Variants in TEX22 observed in about 807,000 individuals in gnomAD.
TEX22 encodes the protein testis-expressed protein 22.
Under a neutral mutation model 11.3 loss-of-function variants are expected in TEX22, and 16 were observed. The ratio of observed to expected loss-of-function variants is 1.42; its 90% CI spans 0.96 to 2.15. TEX22 has a LOEUF of 2.15. Ranked by LOEUF, TEX22 falls within the 30% of genes most tolerant of loss-of-function variation. TEX22 has a pLI of 0.00. For missense variants in TEX22, 220 were observed against 208.6 expected (o/e 1.05, Z -0.34); for synonymous variants, 97 against 92.3 (o/e 1.05, Z -0.29).
Position 105,399,434 on chromosome 14 carries a change from T to G in TEX22, c.94T>G (p.Trp32Gly). Residue 32 changes from tryptophan to glycine, a missense_variant, in exon 2 of 4, where the codon TGG becomes GGG. Trp to Gly is a radical substitution (Grantham distance 184). Transcript: ENST00000451127. ...GCCCCCACTGGGCCTGATAGCAGCC[T>G]GGGGCCAGCCCAGTATCCAGAGCAG... ...RRPPLGLIAAWGQPSIQSSVQ... is the reference protein window; with the variant it reads ...RRPPLGLIAAGGQPSIQSSVQ... 1.3e-6 allele frequency: 2 copies of G among 1,535,796 alleles called. No individual in the cohort carries two copies. The highest frequency in any genetic ancestry group is 1.7e-6 in the Non-Finnish European group (2 of 1,146,776).
In TEX22 at chr14:105,412,167, T is replaced by C. The variant is rs2081698030; in HGVS notation, c.*334T>C. ...GCCTGCCTGAGGTGCACTGGTGTCCTGGGAAGCCCCAGTGGCAGGCGCTGC... is the reference window on the plus strand; with the variant it reads ...GCCTGCCTGAGGTGCACTGGTGTCCCGGGAAGCCCCAGTGGCAGGCGCTGC... On this transcript the variant is annotated 3_prime_UTR_variant, in exon 4 of 4. Transcript: ENST00000451127. This position sits in a 1 kb window ranked among gnomAD's most constrained non-coding sequence, Gnocchi z 5.8. 8.7e-6 allele frequency: 2 copies of C among 228,846 alleles called. No homozygotes were observed. Among genetic ancestry groups the C allele is most frequent in the South Asian group, 1.7e-4 (1 of 6,048 alleles). The allele number at this position is 228,846 out of a possible 1,614,324, so 14.2% of individuals were successfully genotyped here.
At chr14:105,400,208 C>T (rs1239294268) in intron 2 of TEX22, among the ~76,000 whole-genome samples, 1 of 152,312 alleles carries the variant, frequency 6.6e-6, no homozygotes, top group African/African-American at 2.4e-5. Context: ...GCTGGTCATG[C>T]GGCCAGTTCA....
intron 2 of TEX22, among the ~76,000 whole-genome samples, chr14:105,408,227 T>C (rs1736754522): frequency 6.6e-6 from 1 of 151,686 alleles, no homozygotes; most frequent in Admixed American, 6.6e-5. Context: ...GCTGCCTCCT[T>C]TTCTTTCTTT....
At chr14:105,409,498 C>CTTTTTTT (rs1421021622) in intron 2 of TEX22, among the ~76,000 whole-genome samples, 2 of 145,774 alleles carry the variant, frequency 1.4e-5, no homozygotes, top group African/African-American at 5.4e-5. Flanking sequence ...ACTTCTTCTT[C>CTTTTTTT]TTCTTTTTTT....
intron 1 of TEX22, among the ~76,000 whole-genome samples, chr14:105,398,984 C>G (rs1555418028): frequency 6.6e-6 from 1 of 152,246 alleles, no homozygotes; most frequent in Admixed American, 6.5e-5. Context: ...TGGCTGAGGG[C>G]TGATGCCCCT....
chr14:105,399,417 TG>T lies in TEX22; in HGVS notation c.80del (p.Gly27AlafsTer2). 1 of 1,535,788 alleles carries T rather than the reference TG, an allele frequency of 6.5e-7. No homozygotes were observed. The highest frequency in any genetic ancestry group is 1.2e-5 in the South Asian group (1 of 84,064). Reference protein sequence around the residue: ...HLSQEHRRPPLGLIAAWGQPS... With the variant: ...HLSQEHRRPPXGLIAAWGQPS... ...TCCCAAGAGCACAGGCGGCCCCCAC[TG>T]GGCCTGATAGCAGCCTGGGGCCAGC... is the stretch of plus-strand genomic sequence containing the variant. On this transcript the variant is annotated frameshift_variant, in exon 2 of 4. Coordinates refer to ENST00000451127, the MANE Select transcript of TEX22 (RefSeq NM_001195082.2). LOFTEE classifies it high-confidence loss of function.
intron 1 of TEX22, 64 bp downstream of exon 1, chr14:105,398,699 T>C (rs984415601): frequency 1.3e-5 from 2 of 152,144 alleles, no homozygotes; most frequent in African/African-American, 4.8e-5. Context: ...CGTTCCCGTG[T>C]ACCCCGCCCC....
intron 1 of TEX22, 34 bp from the exon 2 acceptor site, chr14:105,399,268 G>GCCCCCCC: frequency 8.6e-6 from 11 of 1,272,330 alleles, no homozygotes; most frequent in Admixed American, 4.7e-5. Flanking sequence ...GGCCTTGTGG[G>GCCCCCCC]CCCCGCCCCA....
At position 105,413,194 on chromosome 14, in the gene TEX22, G is replaced by A. The variant is rs981984970; in HGVS notation, c.*1361G>A. ...GTGGATGGAGGGCAGATCCTCCAGG[G>A]GCTAGGGCAGGTGTCCTTAAGGGTG... On this transcript the variant is annotated 3_prime_UTR_variant, in exon 4 of 4. Transcript: ENST00000451127. The surrounding 1 kb of genome is among the most constrained non-coding windows in gnomAD (Gnocchi z 4.2). 2.6e-5 allele frequency: 4 copies of A among 152,376 alleles called. No homozygotes were observed. Among genetic ancestry groups the A allele is most frequent in the Non-Finnish European group, 5.9e-5 (4 of 68,206 alleles). The allele number at this position is 152,376 out of a possible 1,614,324, so 9.4% of individuals were successfully genotyped here.
At position 105,411,958 on chromosome 14, in the gene TEX22, G is replaced by C; in HGVS notation, c.*125G>C. 1 of 1,022,280 alleles carries C rather than the reference G, an allele frequency of 9.8e-7. No individual in the cohort carries two copies. The highest frequency in any genetic ancestry group is 1.8e-5 in the South Asian group (1 of 54,568). The allele number at this position is 1,022,280 out of a possible 1,614,324, so 63.3% of individuals were successfully genotyped here. On this transcript the variant is annotated 3_prime_UTR_variant, in exon 4 of 4. Transcript: ENST00000451127. ...CCACCCACCCATGTTAGGAAAACAG[G>C]CCAGGCAGGACCTGGCTCCGGACAG...
intron 2 of TEX22, among the ~76,000 whole-genome samples, chr14:105,402,616 C>A (rs377282048): frequency 1.3e-5 from 2 of 151,754 alleles, no homozygotes; most frequent in Non-Finnish European, 2.9e-5. Flanking sequence ...ATTAGCCGGG[C>A]GTGGTGGCGG....
In TEX22 at chr14:105,399,300, A is replaced by G; in HGVS notation, c.-39-2A>G. ...CCCACCTCCCCCTGCTCCTACCCCC[A>G]GATCTCAGAGGTGTGGACAAGCAGC... On this transcript the variant is annotated splice_acceptor_variant, in intron 1 of 3. Transcript: ENST00000451127. LOFTEE classifies it low-confidence loss of function (5UTR_SPLICE). The G allele has an allele frequency of 2.5e-6, 2 of 814,692 alleles. No homozygotes were observed. The highest frequency in any genetic ancestry group is 2.1e-5 in the African/African-American group (1 of 46,730). The allele number at this position is 814,692 out of a possible 1,614,324, so 50.5% of individuals were successfully genotyped here.
chr14:105,412,524 G>C lies in TEX22; in HGVS notation c.*691G>C, dbSNP rs2141364289. 1 of 152,602 alleles carries C rather than the reference G, an allele frequency of 6.6e-6. No individual in the cohort carries two copies. The highest frequency in any genetic ancestry group is 2.4e-5 in the African/African-American group (1 of 41,548). The allele number at this position is 152,602 out of a possible 1,614,324, so 9.5% of individuals were successfully genotyped here. Reference sequence around the variant, plus strand: ...ACTGTGAGGAGCTGGCTGCCGCAGGGGCCTGTGGGACATGGTCCACTGGGT... The same window carrying C: ...ACTGTGAGGAGCTGGCTGCCGCAGGCGCCTGTGGGACATGGTCCACTGGGT... On this transcript the variant is annotated 3_prime_UTR_variant, in exon 4 of 4. Coordinates refer to ENST00000451127, the MANE Select transcript of TEX22 (RefSeq NM_001195082.2). This position sits in a 1 kb window ranked among gnomAD's most constrained non-coding sequence, Gnocchi z 5.8.
At chr14:105,402,066 A>T (rs1221307292) in intron 2 of TEX22, among the ~76,000 whole-genome samples, 1 of 152,168 alleles carries the variant, frequency 6.6e-6, no homozygotes, top group Non-Finnish European at 1.5e-5. Context: ...GGTGCCTATA[A>T]TCCCAGCTAC....
At chr14:105,402,760 A>AC (rs1348621448) in intron 2 of TEX22, among the ~76,000 whole-genome samples, 1 of 151,760 alleles carries the variant, frequency 6.6e-6, no homozygotes, top group Non-Finnish European at 1.5e-5. Context: ...CGTCTCAAAA[A>AC]AAAAAAAAAA....
chr14:105,405,355 A>G (rs782782447), intron 2 of TEX22, among the ~76,000 whole-genome samples: 6 of 152,128 alleles, frequency 3.9e-5, no homozygotes, highest in Non-Finnish European at 8.8e-5. Context: ...GCCCTCACAT[A>G]TTACAGCAGA....
chr14:105,399,523 C>T (rs782575671), intron 2 of TEX22, 33 bp downstream of exon 2: 4 of 1,501,316 alleles, frequency 2.7e-6, no homozygotes, highest in Non-Finnish European at 3.5e-6. Flanking sequence ...CGAGGCTACT[C>T]TCCTGTCCCC....
Position 105,399,297 on chromosome 14 carries a change from C to G in TEX22, c.-39-5C>G. 6.6e-7 allele frequency: 1 copy of G among 1,504,802 alleles called. No homozygotes were observed. Among genetic ancestry groups the G allele is most frequent in the Non-Finnish European group, 8.9e-7 (1 of 1,127,694 alleles). 93.2% of individuals were successfully genotyped at this position (1,504,802 alleles called of 1,614,324 possible). A position where few individuals can be genotyped will look rare whatever the true frequency, so the allele number is the denominator to read the frequency against. On this transcript the variant is annotated splice_polypyrimidine_tract_variant and splice_region_variant and intron_variant, in intron 1 of 3. Transcript: ENST00000451127. ...CGCCCCACCTCCCCCTGCTCCTACC[C>G]CCAGATCTCAGAGGTGTGGACAAGC... is the stretch of plus-strand genomic sequence containing the variant.
intron 2 of TEX22, among the ~76,000 whole-genome samples, chr14:105,402,142 C>T (rs183976768): frequency 9.4e-4 from 143 of 152,130 alleles, no homozygotes; most frequent in African/African-American, 3.0e-3. Context: ...GCCGAGATTC[C>T]GCCACCACAC....
Sources: allele counts gnomAD v4.1 joint callset (sites outside exome capture counted in the v4.1 genomes callset), GRCh38; gene constraint gnomAD v4.1.1; non-coding constraint Gnocchi (gnomAD v3.1); transcripts MANE v1.5; gene names NCBI Gene and HGNC (gene_info 2026-07-23, HGNC 2026-07-21).